The following PXT1 variants were observed in gnomAD, a reference collection of about 807,000 sequenced individuals.
The protein encoded by PXT1 is peroxisomal testis-specific protein 1.
PXT1 carries 11 observed loss-of-function variants against 11.0 expected under a neutral mutation model. That is an observed-to-expected ratio of 1.00 (90% CI 0.63 to 1.66). The LOEUF (loss-of-function observed/expected upper bound fraction) is 1.66, where lower values mean the gene tolerates loss of function less well. Among genes scored for constraint, PXT1 ranks in the 40% most tolerant of loss-of-function variants. The pLI is 0.00. For synonymous variants in PXT1, 43 were observed against 51.4 expected, an observed-to-expected ratio of 0.84 and a Z score of 0.70; for missense variants, 141 against 155.5, an observed-to-expected ratio of 0.91 and a Z score of 0.49.
intron 4 of PXT1, among the ~76,000 whole-genome samples, chr6:36,398,386 A>C (rs956482824): frequency 2.4e-4 from 37 of 152,284 alleles, no homozygotes; most frequent in African/African-American, 7.5e-4. Flanking sequence ...TATGTACCCC[A>C]AAAAAATAAA....
intron 4 of PXT1, among the ~76,000 whole-genome samples, chr6:36,396,834 G>A (rs1367768613): frequency 6.6e-6 from 1 of 152,176 alleles, no homozygotes; most frequent in Non-Finnish European, 1.5e-5. Flanking sequence ...GATAGCTGGA[G>A]ATGAGGAAAC....
intron 4 of PXT1, 137 bp downstream of exon 4, chr6:36,400,317 C>G: frequency 9.3e-7 from 1 of 1,080,384 alleles, no homozygotes; most frequent in East Asian, 2.6e-5. Flanking sequence ...ATGTTTAGAT[C>G]TAACATTTGG....
At chr6:36,402,917 T>A (rs1774233740) in intron 3 of PXT1, among the ~76,000 whole-genome samples, 1 of 151,154 alleles carries the variant, frequency 6.6e-6, no homozygotes, top group Admixed American at 6.6e-5. Context: ...AGCATCAGTA[T>A]TTTTCTTTTT....
intron 4 of PXT1, among the ~76,000 whole-genome samples, chr6:36,397,421 C>T (rs1774158950): frequency 6.6e-6 from 1 of 151,928 alleles, no homozygotes; most frequent in African/African-American, 2.4e-5. Flanking sequence ...AAGAAATAAA[C>T]AAACAACAAC....
intron 3 of PXT1, among the ~76,000 whole-genome samples, chr6:36,408,123 G>A (rs907517901): frequency 1.3e-5 from 2 of 151,134 alleles, no homozygotes; most frequent in Admixed American, 6.6e-5. Context: ...CACCACACCC[G>A]GCTAATTTTT....
At chr6:36,411,031 C>A (rs1366723111) in intron 3 of PXT1, among the ~76,000 whole-genome samples, 4 of 152,298 alleles carry the variant, frequency 2.6e-5, no homozygotes, top group African/African-American at 9.6e-5. Flanking sequence ...ATCTTGAATA[C>A]CTGCATAATC....
intron 4 of PXT1, among the ~76,000 whole-genome samples, chr6:36,396,988 C>T (rs56077076): frequency 0.47 from 71,554 of 151,590 alleles, 17,270 homozygotes; most frequent in Middle Eastern, 0.58. Context: ...GAGCTACTCT[C>T]TCCAGGGCCT....
At chr6:36,422,264 T>C (rs1215786670) in intron 3 of PXT1, among the ~76,000 whole-genome samples, 2 of 152,150 alleles carry the variant, frequency 1.3e-5, no homozygotes, top group East Asian at 3.8e-4. Flanking sequence ...GATTAATGTA[T>C]GTATAGTGGA....
chr6:36,437,717 C>T (rs182319712), intron 2 of PXT1, among the ~76,000 whole-genome samples: 1 of 151,314 alleles, frequency 6.6e-6, no homozygotes, highest in Admixed American at 6.6e-5. Flanking sequence ...GGGGTTTCAC[C>T]GTGTTAGCCA....
intron 2 of PXT1, among the ~76,000 whole-genome samples, chr6:36,428,873 C>G (rs1774647250): frequency 6.6e-6 from 1 of 151,938 alleles, no homozygotes; most frequent in East Asian, 1.9e-4. Context: ...CCAGGCTGGT[C>G]TCGGACTCCC....
At chr6:36,399,266 C>T (rs1774182947) in intron 4 of PXT1, among the ~76,000 whole-genome samples, 1 of 152,088 alleles carries the variant, frequency 6.6e-6, no homozygotes, top group Non-Finnish European at 1.5e-5. Flanking sequence ...CTGCCTCAGC[C>T]TCCCGAGTAG....
intron 4 of PXT1, among the ~76,000 whole-genome samples, chr6:36,392,886 C>T (rs1313242040): frequency 6.6e-6 from 1 of 152,154 alleles, no homozygotes; most frequent in Non-Finnish European, 1.5e-5. Context: ...TCAGTGCCCT[C>T]CGATGGCACC....
At chr6:36,416,999 G>A (rs1351981998) in intron 3 of PXT1, among the ~76,000 whole-genome samples, 1 of 152,232 alleles carries the variant, frequency 6.6e-6, no homozygotes, top group Non-Finnish European at 1.5e-5. Flanking sequence ...GATCAAATAA[G>A]AAATAGGAGT....
chr6:36,424,194 AT>A (rs1206491246), intron 3 of PXT1, among the ~76,000 whole-genome samples: 1 of 152,234 alleles, frequency 6.6e-6, no homozygotes, highest in Non-Finnish European at 1.5e-5. Context: ...CGTTGTGAGT[AT>A]ACTAAAACCC....
intron 3 of PXT1, among the ~76,000 whole-genome samples, chr6:36,419,605 T>C (rs1774495120): frequency 6.6e-6 from 1 of 152,222 alleles, no homozygotes; most frequent in African/African-American, 2.4e-5. Flanking sequence ...AGGGCATGTA[T>C]CTATTTCATA....
At chr6:36,396,316 A>T (rs965663464) in intron 4 of PXT1, among the ~76,000 whole-genome samples, 3 of 152,134 alleles carry the variant, frequency 2.0e-5, no homozygotes, top group Non-Finnish European at 2.9e-5. Context: ...GAGTTGGGGC[A>T]GGAGCTCCCT....
chr6:36,394,350 C>T lies in PXT1; in HGVS notation c.301-2476G>A, dbSNP rs147669931. Among the ~76,000 whole-genome samples the T allele has an allele frequency of 4.4e-3, 663 of 152,236 alleles. 4 individuals carry two copies. The highest frequency in any genetic ancestry group is 0.015 in the African/African-American group (622 of 41,532). ...ACATGTAGAAGTGTCTCAAACAGTA[C>T]CTGGAAAAAATGTTTTAATAAATGT... On this transcript the variant is annotated intron_variant, in intron 4 of 4. Coordinates refer to ENST00000454782, the MANE Select transcript of PXT1 (RefSeq NM_152990.4).
At chr6:36,396,757 C>T (rs1774149710) in intron 4 of PXT1, among the ~76,000 whole-genome samples, 1 of 152,170 alleles carries the variant, frequency 6.6e-6, no homozygotes, top group Non-Finnish European at 1.5e-5. Context: ...CAGATGATGT[C>T]CTCAGGACAA....
rs541423372 is a variant in PXT1 at position 36,399,146 on chromosome 6, C to A, written c.300+1308G>T. On this transcript the variant is annotated intron_variant, in intron 4 of 4. Coordinates refer to ENST00000454782, the MANE Select transcript of PXT1 (RefSeq NM_152990.4). ...TATTTTATTTTATTTCATTTCATTT[C>A]ATTTCATTTCATTTTTTGGGACAGA... 1.0e-2 allele frequency among the ~76,000 whole-genome samples: 1,509 copies of A among 151,374 alleles called. 17 individuals carry two copies. Among genetic ancestry groups the A allele is most frequent in the South Asian group, 0.012 (58 of 4,788 alleles).
Sources: allele counts gnomAD v4.1 joint callset (sites outside exome capture counted in the v4.1 genomes callset), GRCh38; gene constraint gnomAD v4.1.1; transcripts MANE v1.5; gene names NCBI Gene and HGNC (gene_info 2026-07-23, HGNC 2026-07-21).